RBFOX1: variants seen among roughly 807,000 people sequenced by gnomAD.
RBFOX1 encodes the protein RNA binding fox-1 homolog 1.
In RBFOX1, 8 loss-of-function variants were observed where a neutral mutation model predicts 57.7. The observed-to-expected ratio is 0.14, with a 90% CI of 0.08 to 0.25. RBFOX1 has a LOEUF of 0.25. Ranked by LOEUF, RBFOX1 falls within the 10% of genes least tolerant of loss-of-function variation. The pLI is 1.00. For missense variants in RBFOX1, 611 were observed against 548.5 expected (o/e 1.11, Z -1.14); for synonymous variants, 326 against 222.4 (o/e 1.47, Z -4.15).
intron 2 of RBFOX1, among the ~76,000 whole-genome samples, chr16:6,634,525 A>G (rs12927886): frequency 0.074 from 11,039 of 148,368 alleles, 448 homozygotes; most frequent in Non-Finnish European, 0.092. Flanking sequence ...AATATATGAT[A>G]TATACTTTTA....
intron 4 of RBFOX1, among the ~76,000 whole-genome samples, chr16:7,217,831 G>A (rs2092339859): frequency 6.6e-6 from 1 of 152,150 alleles, no homozygotes; most frequent in Non-Finnish European, 1.5e-5. Flanking sequence ...TTACAGCATT[G>A]TCACTACTCA....
At chr16:6,832,378 A>G (rs1442982872) in intron 3 of RBFOX1, among the ~76,000 whole-genome samples, 2 of 152,278 alleles carry the variant, frequency 1.3e-5, no homozygotes, top group Non-Finnish European at 2.9e-5. Context: ...TTGGTAGTGG[A>G]TGATTTCCCC....
chr16:5,599,877 A>T (rs1353104726), exon 3 of RBFOX1: 1 of 152,468 alleles, frequency 6.6e-6, no homozygotes, highest in African/African-American at 2.4e-5. Flanking sequence ...TTATCAAAAG[A>T]TGTTCATGGC....
chr16:6,768,472 C>T (rs1056175481), intron 3 of RBFOX1, among the ~76,000 whole-genome samples: 2 of 151,782 alleles, frequency 1.3e-5, no homozygotes, highest in Non-Finnish European at 2.9e-5. Context: ...CCCACACAAG[C>T]CTTCTAAATG....
intron 3 of RBFOX1, among the ~76,000 whole-genome samples, chr16:5,685,395 A>G (rs1449576138): frequency 6.6e-6 from 1 of 152,174 alleles, no homozygotes; most frequent in Admixed American, 6.5e-5. Flanking sequence ...TCCAAACAAC[A>G]TTATTATTGC....
At chr16:7,243,183 C>T (rs777102171) in intron 4 of RBFOX1, among the ~76,000 whole-genome samples, 7 of 152,124 alleles carry the variant, frequency 4.6e-5, no homozygotes, top group South Asian at 4.1e-4. Context: ...GAATGTTCAG[C>T]AAACACATAT....
intron 3 of RBFOX1, among the ~76,000 whole-genome samples, chr16:5,806,569 G>C (rs1302547914): frequency 6.6e-6 from 1 of 152,174 alleles, no homozygotes; most frequent in Admixed American, 6.5e-5. Context: ...GAGCACCAGA[G>C]TTCCAACCTT....
chr16:6,223,876 G>A (rs62015074), intron 1 of RBFOX1, among the ~76,000 whole-genome samples: 3 of 151,992 alleles, frequency 2.0e-5, no homozygotes, highest in Non-Finnish European at 4.4e-5. Context: ...ATTAATTTTT[G>A]TATGAGGTGT....
intron 10 of RBFOX1, 69 bp from the exon 11 acceptor site, chr16:7,630,534 T>C: frequency 2.5e-6 from 4 of 1,600,234 alleles, no homozygotes; most frequent in Non-Finnish European, 3.4e-6. Flanking sequence ...CTCGGTTGCA[T>C]TGCCGTGATC....
intron 3 of RBFOX1, among the ~76,000 whole-genome samples, chr16:6,799,670 A>C (rs1346475216): frequency 6.6e-6 from 1 of 152,160 alleles, no homozygotes; most frequent in South Asian, 2.1e-4. Flanking sequence ...AGGTGGAAGA[A>C]GGTGGGATGA....
intron 5 of RBFOX1, among the ~76,000 whole-genome samples, chr16:7,552,413 A>T (rs2086837632): frequency 6.6e-6 from 1 of 152,106 alleles, no homozygotes; most frequent in Admixed American, 6.5e-5. Context: ...ACTTCAGAAG[A>T]CCTTTTCTGG....
At chr16:6,149,649 T>G (rs769324788) in intron 1 of RBFOX1, among the ~76,000 whole-genome samples, 5 of 152,210 alleles carry the variant, frequency 3.3e-5, no homozygotes, top group Non-Finnish European at 5.9e-5. Flanking sequence ...AGCTGTGTCT[T>G]GCTGCTTTCC....
chr16:5,567,171 G>C (rs572798708), intron 2 of RBFOX1, among the ~76,000 whole-genome samples: 1 of 152,292 alleles, frequency 6.6e-6, no homozygotes, highest in South Asian at 2.1e-4. Flanking sequence ...CCGGTGCCCA[G>C]GAGAGAAAGA....
chr16:6,949,345 C>T (rs1568032099), intron 3 of RBFOX1, among the ~76,000 whole-genome samples: 1 of 152,164 alleles, frequency 6.6e-6, no homozygotes, highest in South Asian at 2.1e-4. Flanking sequence ...TTTGTTCCTT[C>T]CCTTCAGTGA....
intron 3 of RBFOX1, among the ~76,000 whole-genome samples, chr16:6,798,969 G>C (rs762467234): frequency 6.6e-6 from 1 of 152,042 alleles, no homozygotes; most frequent in Admixed American, 6.6e-5. Context: ...TACATCTTGG[G>C]GTAGGAGGGG....
chr16:6,583,982 TAAC>T (rs1366937261), intron 2 of RBFOX1, among the ~76,000 whole-genome samples: 4 of 143,260 alleles, frequency 2.8e-5, no homozygotes, highest in South Asian at 2.3e-4. Flanking sequence ...AAATAAACAA[TAAC>T]AACGACAACA....
At chr16:6,620,830 C>T (rs756472076) in intron 2 of RBFOX1, among the ~76,000 whole-genome samples, 3 of 152,168 alleles carry the variant, frequency 2.0e-5, no homozygotes, top group South Asian at 4.1e-4. Context: ...CTTTCAAGCA[C>T]GTTCTCATAT....
At chr16:6,939,911 A>C (rs1567982575) in intron 3 of RBFOX1, among the ~76,000 whole-genome samples, 1 of 152,230 alleles carries the variant, frequency 6.6e-6, no homozygotes, top group African/African-American at 2.4e-5. Context: ...CCATAAATGC[A>C]TAATTTAATC....
At chr16:5,351,455 C>T (rs1314365849) in intron 1 of RBFOX1, among the ~76,000 whole-genome samples, 1 of 152,156 alleles carries the variant, frequency 6.6e-6, no homozygotes, top group Non-Finnish European at 1.5e-5. Context: ...GGCTGGCTCA[C>T]TCCAGGTTTT....
Sources: allele counts gnomAD v4.1 joint callset (sites outside exome capture counted in the v4.1 genomes callset), GRCh38; gene constraint gnomAD v4.1.1; transcripts MANE v1.5; gene names NCBI Gene and HGNC (gene_info 2026-07-23, HGNC 2026-07-21).